The following STX8 variants were observed in gnomAD, a reference collection of about 807,000 sequenced individuals.
The protein encoded by STX8 is syntaxin-8.
STX8 carries 23 observed loss-of-function variants against 37.5 expected under a neutral mutation model. That is an observed-to-expected ratio of 0.61 (90% CI 0.44 to 0.87). The LOEUF (loss-of-function observed/expected upper bound fraction) is 0.87, where lower values mean the gene tolerates loss of function less well. Among genes scored for constraint, STX8 ranks in the 40% least tolerant of loss-of-function variants. The probability of loss-of-function intolerance (pLI) is 0.00; values close to 1 mark genes in which losing one functional copy is unlikely to be tolerated. For missense variants in STX8, 313 were observed against 284.7 expected (o/e 1.10, Z -0.71); for synonymous variants, 115 against 99.1 (o/e 1.16, Z -0.95).
chr17:9,453,576 T>C (rs1273291834), intron 6 of STX8, among the ~76,000 whole-genome samples: 6 of 142,094 alleles, frequency 4.2e-5, no homozygotes, highest in Admixed American at 3.0e-4. Flanking sequence ...CACTGCAACC[T>C]CTGCCTCCCG....
At chr17:9,533,723 T>C (rs1384870630) in intron 4 of STX8, among the ~76,000 whole-genome samples, 1 of 152,062 alleles carries the variant, frequency 6.6e-6, no homozygotes, top group Non-Finnish European at 1.5e-5. Flanking sequence ...GAACCTTGAG[T>C]CTCTGGTTCT....
chr17:9,375,652 A>G (rs1911555790), intron 7 of STX8, among the ~76,000 whole-genome samples: 1 of 152,236 alleles, frequency 6.6e-6, no homozygotes, highest in South Asian at 2.1e-4. Flanking sequence ...TTTAAGTGAT[A>G]TATATATGTT....
chr17:9,458,975 G>A (rs143143741), intron 6 of STX8, among the ~76,000 whole-genome samples: 5,513 of 151,644 alleles, frequency 0.036, 138 homozygotes, highest in Non-Finnish European at 0.055. Flanking sequence ...GACTACAGGC[G>A]CCCACCACCA....
chr17:9,486,111 T>C (rs946711977), intron 6 of STX8, among the ~76,000 whole-genome samples: 7 of 151,984 alleles, frequency 4.6e-5, no homozygotes, highest in Non-Finnish European at 1.0e-4. Context: ...CTATAAAAAA[T>C]CAAGAATCGT....
chr17:9,289,787 C>CAAAAAA (rs61622479), intron 7 of STX8, among the ~76,000 whole-genome samples: 45 of 150,716 alleles, frequency 3.0e-4, no homozygotes, highest in East Asian at 1.4e-3. Context: ...CTCAAAAAAA[C>CAAAAAA]AAAAACAAAA....
intron 7 of STX8, among the ~76,000 whole-genome samples, chr17:9,322,195 T>C (rs1007528148): frequency 3.3e-5 from 5 of 152,194 alleles, no homozygotes. Context: ...ATGGAGGAAG[T>C]ATAAATGGCG....
At chr17:9,491,004 C>G (rs1717174085) in intron 6 of STX8, among the ~76,000 whole-genome samples, 1 of 152,196 alleles carries the variant, frequency 6.6e-6, no homozygotes, top group Admixed American at 6.5e-5. Context: ...GCCAGCTTCA[C>G]TGCCACTCAA....
intron 1 of STX8, among the ~76,000 whole-genome samples, chr17:9,571,310 G>A (rs140471772): frequency 6.1e-4 from 93 of 152,260 alleles, no homozygotes; most frequent in Middle Eastern, 3.4e-3. Flanking sequence ...TCAGCATTCT[G>A]ACTCAACTGG....
At chr17:9,463,821 T>C (rs1468111790) in intron 6 of STX8, among the ~76,000 whole-genome samples, 2 of 152,176 alleles carry the variant, frequency 1.3e-5, no homozygotes, top group East Asian at 1.9e-4. Flanking sequence ...GGCAGGAGAA[T>C]TGCTTGAACC....
chr17:9,410,053 A>G, intron 6 of STX8, among the ~76,000 whole-genome samples: 1 of 152,244 alleles, frequency 6.6e-6, no homozygotes, highest in Non-Finnish European at 1.5e-5. Context: ...AAGAAATCCA[A>G]AAACTGCTTT....
At chr17:9,556,350 G>C (rs28654347) in intron 3 of STX8, among the ~76,000 whole-genome samples, 2 of 152,116 alleles carry the variant, frequency 1.3e-5, no homozygotes, top group African/African-American at 4.8e-5. Context: ...CCAGTTTCAG[G>C]TAAGTTTTCA....
chr17:9,565,419 C>G (rs1907415629), intron 2 of STX8, among the ~76,000 whole-genome samples: 1 of 151,990 alleles, frequency 6.6e-6, no homozygotes, highest in African/African-American at 2.4e-5. Flanking sequence ...ATTTCGAGAC[C>G]AGCCTGGCCA....
intron 4 of STX8, among the ~76,000 whole-genome samples, chr17:9,530,365 T>C (rs8075234): frequency 0.45 from 67,468 of 151,250 alleles, 15,435 homozygotes; most frequent in South Asian, 0.67. Context: ...GTGCCTTTTG[T>C]ATAGTTCCAT....
At chr17:9,362,596 A>G (rs1808708658) in intron 7 of STX8, among the ~76,000 whole-genome samples, 1 of 151,990 alleles carries the variant, frequency 6.6e-6, no homozygotes, top group Admixed American at 6.6e-5. Context: ...AGGTGGGCGT[A>G]TCACGAGGAC....
chr17:9,488,928 G>A (rs1352591424), intron 6 of STX8, among the ~76,000 whole-genome samples: 1 of 152,152 alleles, frequency 6.6e-6, no homozygotes, highest in Non-Finnish European at 1.5e-5. Flanking sequence ...CCAAGCTGGA[G>A]TGCAGTGGTG....
At chr17:9,397,109 G>C (rs1912431145) in intron 6 of STX8, among the ~76,000 whole-genome samples, 1 of 152,162 alleles carries the variant, frequency 6.6e-6, no homozygotes, top group South Asian at 2.1e-4. Context: ...AAACAATTAA[G>C]GACATGGGCT....
intron 6 of STX8, among the ~76,000 whole-genome samples, chr17:9,385,836 C>T (rs1437406161): frequency 3.9e-5 from 6 of 152,212 alleles, no homozygotes; most frequent in African/African-American, 9.6e-5. Context: ...TGCAGTGGCA[C>T]GATCTCCGCT....
intron 7 of STX8, among the ~76,000 whole-genome samples, chr17:9,321,136 G>A (rs1909563006): frequency 6.6e-6 from 1 of 152,028 alleles, no homozygotes; most frequent in South Asian, 2.1e-4. Flanking sequence ...AATACACAGA[G>A]GAATAAAAAT....
intron 7 of STX8, among the ~76,000 whole-genome samples, chr17:9,333,673 G>A (rs183207687): frequency 4.5e-4 from 69 of 152,366 alleles, no homozygotes; most frequent in African/African-American, 1.6e-3. Flanking sequence ...ACAGGCGTGA[G>A]CCACGGCGCC....
Sources: gnomAD v4.1 joint callset for allele counts (sites outside exome capture counted in the v4.1 genomes callset) on GRCh38, gnomAD v4.1.1 for gene constraint, MANE v1.5 for transcripts, NCBI Gene and HGNC (gene_info 2026-07-23, HGNC 2026-07-21) for gene names.